Variants in PIK3C2G observed in about 807,000 individuals in gnomAD.
The protein encoded by PIK3C2G is phosphatidylinositol 3-kinase C2 domain-containing subunit gamma.
A neutral mutation model predicts 181.1 loss-of-function variants in PIK3C2G; 168 were observed. The observed-to-expected ratio is 0.93, with a 90% confidence interval of 0.82 to 1.05. The LOEUF (loss-of-function observed/expected upper bound fraction) is 1.05. PIK3C2G is among the 50% of genes least tolerant of loss of function. PIK3C2G has a pLI of 0.00. For synonymous variants in PIK3C2G, 573 were observed against 592.2 expected, an observed-to-expected ratio of 0.97 and a Z score of 0.47; for missense variants, 1,869 against 1,732.8, an observed-to-expected ratio of 1.08 and a Z score of -1.40.
chr12:18,439,922 A>G (rs897305529), intron 18 of PIK3C2G, among the ~76,000 whole-genome samples: 1 of 152,130 alleles, frequency 6.6e-6, no homozygotes, highest in African/African-American at 2.4e-5. Context: ...CAAAGCAACC[A>G]GTTTGTGTTT....
At chr12:18,355,224 G>C (rs1024646623) in intron 11 of PIK3C2G, among the ~76,000 whole-genome samples, 1 of 152,174 alleles carries the variant, frequency 6.6e-6, no homozygotes, top group African/African-American at 2.4e-5. Context: ...GGAACAAAAG[G>C]TATTTCAGGG....
At chr12:18,391,996 T>C (rs1943565187) in intron 15 of PIK3C2G, among the ~76,000 whole-genome samples, 1 of 151,874 alleles carries the variant, frequency 6.6e-6, no homozygotes. Flanking sequence ...ACCAGAAAAA[T>C]CTTGAGTGAT....
At chr12:18,363,480 C>T (rs1218534161) in intron 12 of PIK3C2G, among the ~76,000 whole-genome samples, 1 of 152,090 alleles carries the variant, frequency 6.6e-6, no homozygotes, top group Non-Finnish European at 1.5e-5. Context: ...CTTAAGCCCT[C>T]TCTTTACTCA....
chr12:18,371,941 G>A (rs1033241173), intron 13 of PIK3C2G, among the ~76,000 whole-genome samples: 46 of 151,978 alleles, frequency 3.0e-4, no homozygotes, highest in African/African-American at 7.2e-4. Flanking sequence ...TTTTCACACG[G>A]CTAGTCTTGC....
At chr12:18,283,775 T>C (rs1250624379) in intron 2 of PIK3C2G, among the ~76,000 whole-genome samples, 1 of 152,040 alleles carries the variant, frequency 6.6e-6, no homozygotes, top group Non-Finnish European at 1.5e-5. Flanking sequence ...ATCACAATAG[T>C]GTAATAACTA....
intron 18 of PIK3C2G, among the ~76,000 whole-genome samples, chr12:18,450,109 ACT>A (rs1947266355): frequency 6.6e-6 from 1 of 151,978 alleles, no homozygotes; most frequent in Non-Finnish European, 1.5e-5. Context: ...TCCTTTGCTC[ACT>A]TTTTAATAGC....
At chr12:18,438,361 G>A (rs576833802) in intron 18 of PIK3C2G, among the ~76,000 whole-genome samples, 2 of 151,928 alleles carry the variant, frequency 1.3e-5, no homozygotes, top group South Asian at 4.1e-4. Flanking sequence ...GAATACTAAG[G>A]TTTAAGGTTA....
intron 31 of PIK3C2G, among the ~76,000 whole-genome samples, chr12:18,616,460 C>A (rs896139487): frequency 6.6e-6 from 1 of 152,010 alleles, no homozygotes; most frequent in South Asian, 2.1e-4. Flanking sequence ...ATACTTGACA[C>A]TAAACTAAGG....
intron 29 of PIK3C2G, among the ~76,000 whole-genome samples, chr12:18,586,701 C>G (rs1946800781): frequency 1.3e-5 from 2 of 152,096 alleles, no homozygotes; most frequent in African/African-American, 4.8e-5. Context: ...AGAGACTTTT[C>G]CCCAGTTCAT....
chr12:18,488,416 A>G (rs776550965), intron 18 of PIK3C2G, 33 bp from the exon 19 acceptor site: 3 of 1,422,130 alleles, frequency 2.1e-6, no homozygotes, highest in East Asian at 5.1e-5. Context: ...TTAGCTTTAC[A>G]TACAAGAATT....
At chr12:18,553,727 C>T (rs747383917) in intron 26 of PIK3C2G, among the ~76,000 whole-genome samples, 19 of 152,018 alleles carry the variant, frequency 1.2e-4, no homozygotes, top group Admixed American at 2.0e-4. Flanking sequence ...CTTATCCTTA[C>T]CTAATATCTC....
the PIK3C2G span, among the ~76,000 whole-genome samples, chr12:18,705,785 G>A: frequency 6.6e-6 from 1 of 152,022 alleles, no homozygotes; most frequent in Non-Finnish European, 1.5e-5. Context: ...AGAATCACTT[G>A]AACCCGGGAG....
In PIK3C2G at chr12:18,640,522, C is replaced by G. The variant is rs1357943621; in HGVS notation, c.4276C>G (p.Pro1426Ala). 10 of 1,602,670 alleles carry G rather than the reference C, an allele frequency of 6.2e-6. No homozygotes were observed. Among genetic ancestry groups the G allele is most frequent in the Admixed American group, 1.7e-5 (1 of 58,678 alleles). Residue 1426 changes from proline to alanine, a missense_variant, in exon 32 of 33, where the codon CCA becomes GCA. Physicochemically the swap from Pro to Ala is conservative, Grantham distance 27. Coordinates refer to ENST00000538779, the MANE Select transcript of PIK3C2G (RefSeq NM_001288772.2). ...EVRRRKTKSV[P>A]KCTDPTYNEI... ...TCGTAGGAGGAAAACAAAATCTGTTCCAAAATGTACGGACCCCACTTACAA... is the reference window on the plus strand; with the variant it reads ...TCGTAGGAGGAAAACAAAATCTGTTGCAAAATGTACGGACCCCACTTACAA...
Position 18,380,540 on chromosome 12 carries a change from T to A in PIK3C2G, c.1881-1226T>A, listed in dbSNP as rs151115519. Among the ~76,000 whole-genome samples the A allele has an allele frequency of 2.2e-3, 337 of 152,316 alleles. 2 individuals carry two copies. Among genetic ancestry groups the A allele is most frequent in the African/African-American group, 7.7e-3 (320 of 41,560 alleles). ...ATTACAATAAAAATTTTCTAATCTT[T>A]ACCTCTATTAAACTAATTCATACCT... On this transcript the variant is annotated intron_variant, in intron 13 of 32. Coordinates refer to ENST00000538779, the MANE Select transcript of PIK3C2G (RefSeq NM_001288772.2).
chr12:18,437,685 T>C (rs975303916), intron 18 of PIK3C2G, among the ~76,000 whole-genome samples: 2 of 151,980 alleles, frequency 1.3e-5, no homozygotes, highest in African/African-American at 4.8e-5. Context: ...ATGGTGGAAC[T>C]TCTGTTTTCT....
chr12:18,585,633 G>C (rs1003847375), intron 29 of PIK3C2G, among the ~76,000 whole-genome samples: 2 of 152,162 alleles, frequency 1.3e-5, no homozygotes, highest in Admixed American at 6.5e-5. Flanking sequence ...GTACTAGACA[G>C]ATCATTGAGG....
At chr12:18,634,696 A>G (rs971410290) in intron 31 of PIK3C2G, among the ~76,000 whole-genome samples, 8 of 151,916 alleles carry the variant, frequency 5.3e-5, no homozygotes, top group Admixed American at 3.9e-4. Context: ...CAAAACCTCC[A>G]CCCCTACTAC....
intron 4 of PIK3C2G, among the ~76,000 whole-genome samples, chr12:18,292,349 G>A (rs1949751883): frequency 6.7e-6 from 1 of 149,568 alleles, no homozygotes; most frequent in Admixed American, 6.7e-5. Context: ...ATTCCTGTAT[G>A]CATCTCATTT....
chr12:18,695,076 G>A, the PIK3C2G span: 1 of 1,612,104 alleles, frequency 6.2e-7, no homozygotes, highest in Non-Finnish European at 8.5e-7. Context: ...GAAATTTAAA[G>A]CCACTGTAAG....
Sources: allele counts gnomAD v4.1 joint callset (sites outside exome capture counted in the v4.1 genomes callset), GRCh38; gene constraint gnomAD v4.1.1; transcripts MANE v1.5; gene names NCBI Gene and HGNC (gene_info 2026-07-23, HGNC 2026-07-21).